RAD51B: variants seen among roughly 807,000 people sequenced by gnomAD.
RAD51B encodes the protein RAD51 paralog B.
Under a neutral mutation model 42.2 loss-of-function variants are expected in RAD51B, and 38 were observed. The ratio of observed to expected loss-of-function variants is 0.90; its 90% CI spans 0.70 to 1.18. The LOEUF (loss-of-function observed/expected upper bound fraction) is 1.18, where lower values mean the gene tolerates loss of function less well. Among genes scored for constraint, RAD51B ranks in the 50% most tolerant of loss-of-function variants. The pLI is 0.00. For missense variants in RAD51B, 373 were observed against 400.7 expected, an observed-to-expected ratio of 0.93 and a Z score of 0.59; for synonymous variants, 154 against 145.2, an observed-to-expected ratio of 1.06 and a Z score of -0.43.
chr14:68,478,050 A>T lies in RAD51B; in HGVS notation c.*386A>T. On this transcript the variant is annotated 3_prime_UTR_variant, in exon 11 of 11. Transcript: ENST00000471583. ...GAGGAGGATGACTAACAAGATTTGT[A>T]ATTACAGGAGGGAACATTTCCGAAT... is the stretch of plus-strand genomic sequence containing the variant. The T allele has an allele frequency of 9.3e-7, 1 of 1,077,074 alleles. No homozygotes were observed. The highest frequency in any genetic ancestry group is 4.5e-5 in the South Asian group (1 of 22,372). 66.7% of individuals were successfully genotyped at this position (1,077,074 alleles called of 1,614,324 possible). A position where few individuals can be genotyped will look rare whatever the true frequency, so the allele number is the denominator to read the frequency against.
intron 10 of RAD51B, among the ~76,000 whole-genome samples, chr14:68,488,199 CTTTT>C (rs201866707): frequency 0.18 from 19,517 of 107,904 alleles, 1,592 homozygotes; most frequent in Non-Finnish European, 0.27. Flanking sequence ...TAGGGTTTGT[CTTTT>C]TTTTTTTTTT....
At chr14:68,624,933 T>A (rs1032582000) in intron 10 of RAD51B, among the ~76,000 whole-genome samples, 10 of 152,116 alleles carry the variant, frequency 6.6e-5, no homozygotes, top group African/African-American at 2.2e-4. Flanking sequence ...GTGCCACACA[T>A]GGAGCTAAGG....
At chr14:68,327,383 T>TG (rs1491358739) in intron 8 of RAD51B, among the ~76,000 whole-genome samples, 2,131 of 22,602 alleles carry the variant, frequency 0.094, 49 homozygotes, top group African/African-American at 0.15. Context: ...TTTTTTGTTG[T>TG]TTTTTTTTTT....
chr14:68,417,847 G>C (rs572583282), intron 9 of RAD51B, among the ~76,000 whole-genome samples: 1 of 152,330 alleles, frequency 6.6e-6, no homozygotes, highest in South Asian at 2.1e-4. Flanking sequence ...TTCTGAATGA[G>C]CTCAAGTAGA....
intron 11 of RAD51B, among the ~76,000 whole-genome samples, chr14:68,673,607 A>G (rs957126148): frequency 2.0e-5 from 3 of 151,860 alleles, no homozygotes; most frequent in African/African-American, 4.8e-5. Context: ...GTACATGCAC[A>G]CACACACGTA....
chr14:68,312,296 A>G (rs1197578425), intron 8 of RAD51B, among the ~76,000 whole-genome samples: 1 of 152,236 alleles, frequency 6.6e-6, no homozygotes, highest in Non-Finnish European at 1.5e-5. Flanking sequence ...ATATCCATGC[A>G]TGTTCGGAGC....
At chr14:68,042,103 AT>A (rs561583412) in intron 7 of RAD51B, among the ~76,000 whole-genome samples, 1 of 152,062 alleles carries the variant, frequency 6.6e-6, no homozygotes, top group Non-Finnish European at 1.5e-5. Flanking sequence ...TGTCTGTGTG[AT>A]TTTTTCACAG....
intron 8 of RAD51B, among the ~76,000 whole-genome samples, chr14:68,319,491 T>C (rs1322935554): frequency 6.6e-6 from 1 of 152,212 alleles, no homozygotes; most frequent in African/African-American, 2.4e-5. Flanking sequence ...AACAAAACAA[T>C]AGATAAAGCT....
At chr14:68,014,848 G>T (rs1295602954) in intron 7 of RAD51B, among the ~76,000 whole-genome samples, 1 of 117,528 alleles carries the variant, frequency 8.5e-6, no homozygotes. Context: ...AAGAATGAAT[G>T]CAAAAAAAAA....
rs116064425 is a variant in RAD51B, at chr14:68,081,763, C to T, written c.756+194559C>T. 5.7e-3 allele frequency among the ~76,000 whole-genome samples: 871 copies of T among 152,214 alleles called. 10 individuals are homozygous for T. The highest frequency in any genetic ancestry group is 0.02 in the African/African-American group (829 of 41,528). ...CTGCTCAAACCTCTAGGGGAGAACA[C>T]AGATGGGCAGGCTGTGGGGCTCTGA... On this transcript the variant is annotated intron_variant, in intron 7 of 10. Coordinates refer to ENST00000471583, the MANE Select transcript of RAD51B (RefSeq NM_133510.4).
At chr14:68,090,217 C>T (rs2077066971) in intron 7 of RAD51B, among the ~76,000 whole-genome samples, 1 of 152,142 alleles carries the variant, frequency 6.6e-6, no homozygotes, top group African/African-American at 2.4e-5. Context: ...CGTTAATCTT[C>T]CAGCATTGAT....
rs2074596400 is a variant in RAD51B, at chr14:67,958,514, AGTGC to A, written c.756+71311_756+71314del. 2.6e-5 allele frequency among the ~76,000 whole-genome samples: 4 copies of A among 152,386 alleles called. No homozygotes were observed. The East Asian group carries it at 5.8e-4, about 22-fold the overall frequency. On this transcript the variant is annotated intron_variant, in intron 7 of 10. Coordinates refer to ENST00000471583, the MANE Select transcript of RAD51B (RefSeq NM_133510.4). ...AGTTTGGTGTCTAGTCTTACCACCA[AGTGC>A]TTGTCAAATAAACTTGGTTTGAAGT...
intron 4 of RAD51B, among the ~76,000 whole-genome samples, chr14:67,846,491 C>T (rs1394111988): frequency 6.6e-6 from 1 of 152,072 alleles, no homozygotes; most frequent in African/African-American, 2.4e-5. Flanking sequence ...CAGGTGGGGG[C>T]GTGGCCGAGT....
intron 10 of RAD51B, among the ~76,000 whole-genome samples, chr14:68,522,139 C>T (rs1886626048): frequency 6.6e-6 from 1 of 152,138 alleles, no homozygotes. Flanking sequence ...TGAGTCTGCC[C>T]TCCCTTGGGT....
At chr14:68,607,403 T>C (rs1382771044) in intron 10 of RAD51B, among the ~76,000 whole-genome samples, 1 of 152,168 alleles carries the variant, frequency 6.6e-6, no homozygotes. Context: ...CAGCACCTTC[T>C]TTCTCCTTTC....
chr14:68,014,203 T>C (rs567712951), intron 7 of RAD51B, among the ~76,000 whole-genome samples: 267 of 150,352 alleles, frequency 1.8e-3, no homozygotes, highest in Non-Finnish European at 3.2e-3. Flanking sequence ...TTCTTTCTTT[T>C]TTTTTTTTTT....
intron 7 of RAD51B, among the ~76,000 whole-genome samples, chr14:68,218,624 G>A (rs989216819): frequency 6.6e-6 from 1 of 152,150 alleles, no homozygotes; most frequent in African/African-American, 2.4e-5. Flanking sequence ...GCATAATTAT[G>A]ACATCAATAT....
intron 8 of RAD51B, among the ~76,000 whole-genome samples, chr14:68,347,784 T>C (rs2082704235): frequency 6.6e-6 from 1 of 152,240 alleles, no homozygotes; most frequent in Admixed American, 6.5e-5. Context: ...TGGTCACTTT[T>C]GATCTTTATT....
intron 10 of RAD51B, among the ~76,000 whole-genome samples, chr14:68,578,407 A>G (rs1249720517): frequency 2.6e-5 from 4 of 152,192 alleles, no homozygotes; most frequent in African/African-American, 4.8e-5. Flanking sequence ...GGGAAACTCC[A>G]TCTCAAAAAA....
Sources: allele counts gnomAD v4.1 joint callset (sites outside exome capture counted in the v4.1 genomes callset), GRCh38; gene constraint gnomAD v4.1.1; transcripts MANE v1.5; gene names NCBI Gene and HGNC (gene_info 2026-07-23, HGNC 2026-07-21).